CIB2: variants seen among roughly 807,000 people sequenced by gnomAD.
CIB2 encodes calcium and integrin binding family member 2.
Under a neutral mutation model 23.1 loss-of-function variants are expected in CIB2, and 19 were observed. The ratio of observed to expected loss-of-function variants is 0.82; its 90% CI spans 0.57 to 1.21. The LOEUF is 1.21. CIB2 is among the 50% of genes most tolerant of loss of function. The pLI is 0.00. For synonymous variants in CIB2, 94 were observed against 91.7 expected (o/e 1.03, Z -0.14); for missense variants, 220 against 241.5 (o/e 0.91, Z 0.59).
At chr15:78,130,515 G>C (rs1012910055) in intron 1 of CIB2, among the ~76,000 whole-genome samples, 1 of 152,204 alleles carries the variant, frequency 6.6e-6, no homozygotes, top group African/African-American at 2.4e-5. Flanking sequence ...GATCTGGAAA[G>C]CTGGCTCTGG....
chr15:78,109,190 G>GA, intron 4 of CIB2, 45 bp downstream of exon 4: 1 of 1,330,724 alleles, frequency 7.5e-7, no homozygotes, highest in South Asian at 1.3e-5. Context: ...GGCCCCACAT[G>GA]TTCCCCCACC....
At chr15:78,105,705 C>T (rs913405847) in intron 5 of CIB2, 34 bp downstream of exon 5, 10 of 1,613,030 alleles carry the variant, frequency 6.2e-6, no homozygotes, top group Non-Finnish European at 8.5e-6. Flanking sequence ...CCCTGCTCTG[C>T]CCTGCCCAAG....
At chr15:78,122,924 C>T (rs574661271) in intron 2 of CIB2, among the ~76,000 whole-genome samples, 6 of 152,356 alleles carry the variant, frequency 3.9e-5, no homozygotes, top group African/African-American at 1.4e-4. Flanking sequence ...TGGTCCCAGC[C>T]TGACCATCGA....
rs990518882 is a variant in CIB2, at chr15:78,109,558, GATTAA to G, written c.199-181_199-177del. ...CACCTTCTTAATTGGGTTGTGATGG[GATTAA>G]ATGAGCTAAAGTATGTAAGGTGTTG... On this transcript the variant is annotated intron_variant, in intron 3 of 5. Coordinates refer to ENST00000258930, the MANE Select transcript of CIB2 (RefSeq NM_006383.4). 4 of 694,842 alleles carry G rather than the reference GATTAA, an allele frequency of 5.8e-6. No individual in the cohort carries two copies. The Admixed American group carries it at 7.0e-5, about 12-fold the overall frequency. The allele number at this position is 694,842 out of a possible 1,614,324, so 43.0% of individuals were successfully genotyped here. A position where few individuals can be genotyped will look rare whatever the true frequency, so the allele number is the denominator to read the frequency against.
Position 78,123,749 on chromosome 15 carries a change from G to C in CIB2, c.52-10C>G. 1.2e-6 allele frequency: 2 copies of C among 1,614,088 alleles called. No individual in the cohort carries two copies. ...TGAAGAAGGTGCAGTCCTGTTGAGGGAAAACACACAACACACAGTCAGTGT... is the reference window on the plus strand; with the variant it reads ...TGAAGAAGGTGCAGTCCTGTTGAGGCAAAACACACAACACACAGTCAGTGT... On this transcript the variant is annotated splice_polypyrimidine_tract_variant and intron_variant, in intron 1 of 5. Coordinates refer to ENST00000258930, the MANE Select transcript of CIB2 (RefSeq NM_006383.4).
At position 78,111,167 on chromosome 15, in the gene CIB2, G is replaced by A. The variant is rs780168150; in HGVS notation, c.196C>T (p.Arg66Trp). The stretch of plus-strand genomic sequence containing the variant: ...CCAGCAAGAGGTCCTGCACATACCC[G>A]GAGCTCTGGCATCTGGATGATGAGG... ...MSLIIQMPEL[R>W]ENPFKERIVA... Residue 66 changes from arginine to tryptophan, a missense_variant and splice_region_variant, in exon 3 of 6, where the codon CGG becomes TGG. Arg to Trp is a moderately radical substitution (Grantham distance 101). Transcript: ENST00000258930. 6.8e-5 allele frequency: 110 copies of A among 1,613,644 alleles called. No homozygotes were observed. Among genetic ancestry groups the A allele is most frequent in the Non-Finnish European group, 8.7e-5 (103 of 1,179,698 alleles).
At chr15:78,110,693 T>C (rs775615333) in intron 3 of CIB2, 3 of 456,136 alleles carry the variant, frequency 6.6e-6, no homozygotes, top group Admixed American at 2.3e-5. Context: ...CTGACTCTAC[T>C]CCACATGTAC....
intron 2 of CIB2, among the ~76,000 whole-genome samples, chr15:78,115,601 A>C (rs983449000): frequency 6.6e-6 from 1 of 152,008 alleles, no homozygotes; most frequent in Non-Finnish European, 1.5e-5. Context: ...CAATTAAAAA[A>C]ACTTAAAATT....
At chr15:78,107,552 T>A (rs545110074) in intron 4 of CIB2, among the ~76,000 whole-genome samples, 1 of 152,248 alleles carries the variant, frequency 6.6e-6, no homozygotes, top group East Asian at 1.9e-4. Context: ...AGCGCCAGAC[T>A]AGGAGGGCCC....
intron 2 of CIB2, among the ~76,000 whole-genome samples, chr15:78,118,635 A>C (rs763895715): frequency 4.1e-4 from 62 of 151,830 alleles, no homozygotes; most frequent in Non-Finnish European, 6.9e-4. Context: ...AAAATTTACC[A>C]TCTTAATTAT....
intron 1 of CIB2, among the ~76,000 whole-genome samples, chr15:78,130,247 G>GT (rs869284609): frequency 5.1e-5 from 6 of 118,562 alleles, no homozygotes; most frequent in African/African-American, 3.5e-4. Context: ...ATCCTCTGGA[G>GT]GGGGGAAAGG....
chr15:78,123,206 C>T (rs908364343), intron 2 of CIB2, among the ~76,000 whole-genome samples: 1 of 152,080 alleles, frequency 6.6e-6, no homozygotes, highest in Non-Finnish European at 1.5e-5. Context: ...TTTTAGACGT[C>T]CTAGGAGTGG....
At chr15:78,117,417 T>C (rs2074257006) in intron 2 of CIB2, among the ~76,000 whole-genome samples, 1 of 152,134 alleles carries the variant, frequency 6.6e-6, no homozygotes, top group African/African-American at 2.4e-5. Flanking sequence ...CATTGGCATT[T>C]ACAAGGCAGA....
At position 78,104,801 on chromosome 15, in the gene CIB2, C is replaced by T. The variant is rs2074039941; in HGVS notation, c.*510G>A. 1 of 166,152 alleles carries T rather than the reference C, an allele frequency of 6.0e-6. No individual in the cohort carries two copies. Among genetic ancestry groups the T allele is most frequent in the Non-Finnish European group, 1.3e-5 (1 of 75,106 alleles). The allele number at this position is 166,152 out of a possible 1,614,324, so 10.3% of individuals were successfully genotyped here. On this transcript the variant is annotated 3_prime_UTR_variant, in exon 6 of 6. Coordinates refer to ENST00000258930, the MANE Select transcript of CIB2 (RefSeq NM_006383.4). This position sits in a 1 kb window ranked among gnomAD's most constrained non-coding sequence, Gnocchi z 4.4. The stretch of plus-strand genomic sequence containing the variant: ...GCCCTTGGGCCCACTGCACCCACAG[C>T]TTCACATTGTGAAGGAGGCCGGGAG...
chr15:78,109,123 G>C (rs769921341), intron 4 of CIB2, 112 bp downstream of exon 4: 4 of 1,244,934 alleles, frequency 3.2e-6, no homozygotes, highest in South Asian at 1.5e-5. Flanking sequence ...GGACAGATCA[G>C]CTTCACTGTT....
intron 2 of CIB2, among the ~76,000 whole-genome samples, chr15:78,112,084 A>G (rs1244759759): frequency 2.0e-5 from 3 of 152,136 alleles, no homozygotes; most frequent in Non-Finnish European, 1.5e-5. Flanking sequence ...CAGGAAATCA[A>G]GCCCACCTCA....
At chr15:78,109,458 C>T (rs759592898) in intron 3 of CIB2, 76 bp from the exon 4 acceptor site, 4 of 1,570,584 alleles carry the variant, frequency 2.5e-6, no homozygotes, top group African/African-American at 2.7e-5. Context: ...TGTGGACAGC[C>T]TGTGTGACCC....
intron 3 of CIB2, chr15:78,109,654 T>C (rs1380663842): frequency 2.0e-6 from 1 of 496,428 alleles, no homozygotes; most frequent in Non-Finnish European, 3.7e-6. Context: ...ATCATTAAGA[T>C]GGGCACAGCC....
chr15:78,116,196 C>T (rs2074238556), intron 2 of CIB2, among the ~76,000 whole-genome samples: 1 of 152,104 alleles, frequency 6.6e-6, no homozygotes, highest in African/African-American at 2.4e-5. Flanking sequence ...CGGTGGCTTA[C>T]ACCTGCAATC....
Sources: allele counts gnomAD v4.1 joint callset (sites outside exome capture counted in the v4.1 genomes callset), GRCh38; gene constraint gnomAD v4.1.1; non-coding constraint Gnocchi (gnomAD v3.1); transcripts MANE v1.5; gene names NCBI Gene and HGNC (gene_info 2026-07-23, HGNC 2026-07-21).